DPP6: variants seen among roughly 807,000 people sequenced by gnomAD.
DPP6 encodes the protein A-type potassium channel modulatory protein DPP6.
Under a neutral mutation model 122.6 loss-of-function variants are expected in DPP6, and 69 were observed. The observed-to-expected ratio is 0.56, with a 90% CI of 0.46 to 0.69. The LOEUF (loss-of-function observed/expected upper bound fraction) is 0.69, where lower values mean the gene tolerates loss of function less well. DPP6 is among the 30% of genes least tolerant of loss of function. The pLI is 0.00. For synonymous variants in DPP6, 418 were observed against 433.1 expected (o/e 0.97, Z 0.43); for missense variants, 928 against 1,116.9 (o/e 0.83, Z 2.41).
the DPP6 span, among the ~76,000 whole-genome samples, chr7:153,765,349 C>T: frequency 1.9e-3 from 249 of 133,654 alleles, 2 homozygotes; most frequent in African/African-American, 6.5e-3. Context: ...CGAGACCAGC[C>T]TGGCCAATAT....
intron 3 of DPP6, among the ~76,000 whole-genome samples, chr7:154,511,017 G>C (rs1225354547): frequency 0.013 from 2,012 of 151,742 alleles, 23 homozygotes; most frequent in South Asian, 0.025. Context: ...CGTGGAGGAG[G>C]TATGCAGGAT....
intron 1 of DPP6, among the ~76,000 whole-genome samples, chr7:154,225,247 A>C (rs1419319166): frequency 6.6e-6 from 1 of 152,212 alleles, no homozygotes; most frequent in Non-Finnish European, 1.5e-5. Context: ...ATCCCTTTTG[A>C]TTTTTAGAAA....
intron 1 of DPP6, among the ~76,000 whole-genome samples, chr7:154,181,935 G>T (rs775214729): frequency 3.9e-5 from 6 of 152,090 alleles, no homozygotes; most frequent in African/African-American, 7.2e-5. Context: ...TTTTAGTAGA[G>T]ACGGGGTTTG....
chr7:153,797,419 T>C, the DPP6 span, among the ~76,000 whole-genome samples: 26 of 152,274 alleles, frequency 1.7e-4, no homozygotes, highest in East Asian at 5.0e-3. Context: ...TAGGATATTA[T>C]ATTAATTAAG....
chr7:153,997,051 C>G (rs1797472903), intron 1 of DPP6, among the ~76,000 whole-genome samples: 1 of 152,092 alleles, frequency 6.6e-6, no homozygotes, highest in African/African-American at 2.4e-5. Flanking sequence ...CTCTCTCTCT[C>G]CATCCAATGA....
In DPP6 at chr7:154,030,385, GGT is replaced by G. The variant is rs1585201852; in HGVS notation, c.51+142655_51+142656del. Among the ~76,000 whole-genome samples, 4 of 152,170 alleles carry G rather than the reference GGT, an allele frequency of 2.6e-5. No homozygotes were observed. The East Asian group carries it at 7.7e-4, about 29-fold the overall frequency. On this transcript the variant is annotated intron_variant, in intron 1 of 25. Coordinates refer to the DPP6 transcript ENST00000404039. ...CTTCTGTGGGGTGGTGAGGGCACCAGGTGTGAGTTGGGACCTGAGACCTGGTC... is the reference window on the plus strand; with the variant it reads ...CTTCTGTGGGGTGGTGAGGGCACCAGGTGAGTTGGGACCTGAGACCTGGTC...
chr7:154,646,820 T>C (rs1229226442), intron 6 of DPP6, among the ~76,000 whole-genome samples: 1 of 152,188 alleles, frequency 6.6e-6, no homozygotes, highest in Non-Finnish European at 1.5e-5. Context: ...ACAGGTCTTA[T>C]GCTCTTTCCA....
At position 154,488,347 on chromosome 7, in the gene DPP6, G is replaced by A. The variant is rs531047889; in HGVS notation, c.457+13310G>A. ...ACTAAAAATACAAAAAAAGTTAGCC[G>A]GGCGTGGTGGCGGGTGCCTGTAGTC... On this transcript the variant is annotated intron_variant, in intron 3 of 25. Transcript: ENST00000377770. Among the ~76,000 whole-genome samples the A allele has an allele frequency of 1.1e-4, 16 of 152,028 alleles. No homozygotes were observed. The East Asian group carries it at 1.6e-3, about 15-fold the overall frequency.
chr7:154,305,778 C>G (rs1252096863), intron 1 of DPP6, among the ~76,000 whole-genome samples: 1 of 152,068 alleles, frequency 6.6e-6, no homozygotes. Context: ...CCTGGCTTCT[C>G]TCTCTAAAGG....
intron 1 of DPP6, among the ~76,000 whole-genome samples, chr7:154,070,844 A>G (rs1270515868): frequency 6.6e-6 from 1 of 152,204 alleles, no homozygotes; most frequent in East Asian, 1.9e-4. Context: ...AAATTGCCAG[A>G]TGAACTGTAT....
Position 154,457,147 on chromosome 7 carries a change from C to CCCATCA in DPP6, c.358+10819_358+10820insCCATCA, listed in dbSNP as rs1820893925. 4.0e-5 allele frequency among the ~76,000 whole-genome samples: 3 copies of CCCATCA among 75,934 alleles called. 1 individual carries two copies. The highest frequency in any genetic ancestry group is 8.1e-5 in the Non-Finnish European group (3 of 37,220). The allele number at this position is 75,934 out of a possible 152,430, so 49.8% of individuals were successfully genotyped here. A position where few individuals can be genotyped will look rare whatever the true frequency, so the allele number is the denominator to read the frequency against. The stretch of plus-strand genomic sequence containing the variant: ...AGCATGAAGGGTTGTTGAATTTTGT[C>CCCATCA]AAAAGTGGGCGAAGGACATGAACAG... On this transcript the variant is annotated intron_variant, in intron 2 of 25. Transcript: ENST00000377770.
At chr7:154,012,186 A>G (rs9640338) in intron 1 of DPP6, among the ~76,000 whole-genome samples, 17,691 of 152,010 alleles carry the variant, frequency 0.12, 1,132 homozygotes, top group East Asian at 0.19. Context: ...TATTTCCTTC[A>G]CTTTGCATGA....
intron 1 of DPP6, among the ~76,000 whole-genome samples, chr7:153,980,203 AT>A (rs1327124363): frequency 1.3e-5 from 2 of 152,126 alleles, no homozygotes; most frequent in African/African-American, 2.4e-5. Context: ...TAGGCTATTA[AT>A]TACTGTATCA....
the DPP6 span, among the ~76,000 whole-genome samples, chr7:153,782,222 C>T: frequency 6.6e-6 from 1 of 151,838 alleles, no homozygotes; most frequent in Non-Finnish European, 1.5e-5. Flanking sequence ...CTAGTTAAGC[C>T]AATCAGTCCT....
At chr7:154,321,287 A>AG (rs1017153837) in intron 1 of DPP6, among the ~76,000 whole-genome samples, 1 of 151,822 alleles carries the variant, frequency 6.6e-6, no homozygotes, top group African/African-American at 2.4e-5. Context: ...TAAAAAAAAA[A>AG]AAAGAAAAAA....
intron 1 of DPP6, among the ~76,000 whole-genome samples, chr7:154,131,250 C>T (rs546626002): frequency 4.6e-5 from 7 of 152,316 alleles, no homozygotes; most frequent in South Asian, 4.1e-4. Context: ...AAATTCTCCA[C>T]GGCTCCCAGA....
At chr7:154,053,114 G>A (rs1382997248) in intron 1 of DPP6, 51 bp downstream of exon 1, 7 of 1,046,442 alleles carry the variant, frequency 6.7e-6, no homozygotes, top group Non-Finnish European at 8.1e-6. Flanking sequence ...CGGGCTGAGC[G>A]CGCAGCGAGA....
At chr7:154,429,897 A>G (rs1377915853) in intron 1 of DPP6, among the ~76,000 whole-genome samples, 3 of 152,126 alleles carry the variant, frequency 2.0e-5, no homozygotes, top group Non-Finnish European at 4.4e-5. Flanking sequence ...CAGTCCTGGC[A>G]TTTATTATGG....
the DPP6 span, among the ~76,000 whole-genome samples, chr7:153,793,410 A>G: frequency 0.11 from 9,281 of 81,754 alleles, 780 homozygotes; most frequent in Middle Eastern, 0.29. Flanking sequence ...GGGATTTGTG[A>G]AACTTTGAAC....
Sources: gnomAD v4.1 joint callset for allele counts (sites outside exome capture counted in the v4.1 genomes callset) on GRCh38, gnomAD v4.1.1 for gene constraint, MANE v1.5 for transcripts, NCBI Gene and HGNC (gene_info 2026-07-23, HGNC 2026-07-21) for gene names.